NHLRC2: variants seen among roughly 807,000 people sequenced by gnomAD.
NHLRC2 encodes the protein NHL repeat-containing protein 2.
In NHLRC2, 33 loss-of-function variants were observed where a neutral mutation model predicts 68.1. The ratio of observed to expected loss-of-function variants is 0.48; its 90% CI spans 0.37 to 0.65. The LOEUF is 0.65. NHLRC2 is among the 30% of genes least tolerant of loss of function. The probability of loss-of-function intolerance (pLI) is 0.00; values close to 1 mark genes in which losing one functional copy is unlikely to be tolerated. For missense variants in NHLRC2, 761 were observed against 853.8 expected, an observed-to-expected ratio of 0.89 and a Z score of 1.35; for synonymous variants, 311 against 309.6, an observed-to-expected ratio of 1.00 and a Z score of -0.05.
Position 113,854,961 on chromosome 10 carries a change from C to T in NHLRC2, c.89C>T (p.Thr30Ile), listed in dbSNP as rs1845730322. ...SLEYALLDAVTQQEKDSLVYQ... is the reference protein window; with the variant it reads ...SLEYALLDAVIQQEKDSLVYQ... The stretch of plus-strand genomic sequence containing the variant: ...GAGTACGCCCTGCTCGACGCCGTTA[C>T]CCAGCAGGAGAAGGACAGCCTGGTC... The change falls in exon 1 of 11, where the codon ACC (threonine) becomes ATC (isoleucine). Residue 30 changes from threonine to isoleucine, a missense_variant. Thr to Ile is a moderately conservative substitution (Grantham distance 89). Coordinates refer to ENST00000369301, the MANE Select transcript of NHLRC2 (RefSeq NM_198514.4). 2 of 1,554,012 alleles carry T rather than the reference C, an allele frequency of 1.3e-6. No individual in the cohort carries two copies. Among genetic ancestry groups the T allele is most frequent in the Non-Finnish European group, 8.7e-7 (1 of 1,148,290 alleles).
At position 113,876,754 on chromosome 10, in the gene NHLRC2, T is replaced by G. The variant is rs1845985226; in HGVS notation, c.565T>G (p.Leu189Val). Residue 189 changes from leucine (L) to valine (V), a missense_variant, in exon 3 of 11, where the codon TTA (leucine) becomes GTA (valine). Coordinates refer to ENST00000369301, the MANE Select transcript of NHLRC2 (RefSeq NM_198514.4). ...AGAGGGACACAAAGATAAATTATTTTTATATACTTCAATTGCTTTAAAGTA... is the reference window on the plus strand; with the variant it reads ...AGAGGGACACAAAGATAAATTATTTGTATATACTTCAATTGCTTTAAAGTA... ...IGEGHKDKLF[L>V]YTSIALKYYK... 6.2e-7 allele frequency: 1 copy of G among 1,611,628 alleles called. No homozygotes were observed. The highest frequency in any genetic ancestry group is 1.7e-5 in the Admixed American group (1 of 59,930).
rs966728115 is a variant in NHLRC2, at chr10:113,910,839, C to T, written c.*2303C>T. 2.6e-5 allele frequency: 4 copies of T among 152,100 alleles called. No individual in the cohort carries two copies. The highest frequency in any genetic ancestry group is 9.7e-5 in the African/African-American group (4 of 41,434). The allele number at this position is 152,100 out of a possible 1,614,324, so 9.4% of individuals were successfully genotyped here. On this transcript the variant is annotated 3_prime_UTR_variant, in exon 11 of 11. Coordinates refer to ENST00000369301, the MANE Select transcript of NHLRC2 (RefSeq NM_198514.4). ...TCAAAATACAGTTTTATTGAACATT[C>T]TTATTCTTACCCACTGCCAGTCTGC...
chr10:113,863,268 A>G (rs1219534321), intron 2 of NHLRC2, among the ~76,000 whole-genome samples: 3 of 152,190 alleles, frequency 2.0e-5, no homozygotes, highest in African/African-American at 4.8e-5. Context: ...ATATTAAAGT[A>G]TCTTTTCTGA....
intron 2 of NHLRC2, among the ~76,000 whole-genome samples, chr10:113,866,393 A>G (rs960022586): frequency 1.3e-5 from 2 of 152,170 alleles, no homozygotes; most frequent in Admixed American, 1.3e-4. Context: ...TGGTGTATAC[A>G]TTAATGGTAT....
chr10:113,891,502 T>G (rs1208650199), intron 5 of NHLRC2, among the ~76,000 whole-genome samples: 1 of 152,198 alleles, frequency 6.6e-6, no homozygotes, highest in Non-Finnish European at 1.5e-5. Flanking sequence ...GTCAATTTGG[T>G]CAGGAGCTGA....
chr10:113,902,025 A>C, intron 7 of NHLRC2, 128 bp downstream of exon 7: 2 of 653,846 alleles, frequency 3.1e-6, no homozygotes, highest in Non-Finnish European at 5.2e-6. Flanking sequence ...AATGAAAGTC[A>C]GACCAAAGGA....
At chr10:113,865,010 C>T (rs1435565479) in intron 2 of NHLRC2, among the ~76,000 whole-genome samples, 2 of 150,928 alleles carry the variant, frequency 1.3e-5, no homozygotes, top group Non-Finnish European at 3.0e-5. Context: ...AGTGCAATGG[C>T]GCCATCTCAG....
chr10:113,873,854 T>C (rs927450759), intron 2 of NHLRC2, among the ~76,000 whole-genome samples: 3 of 152,228 alleles, frequency 2.0e-5, no homozygotes, highest in South Asian at 2.1e-4. Context: ...ACAACCCTTA[T>C]ATTCTTATTG....
chr10:113,912,042 G>C lies in NHLRC2; in HGVS notation c.*3506G>C, dbSNP rs535614746. On this transcript the variant is annotated 3_prime_UTR_variant, in exon 11 of 11. Transcript: ENST00000369301. ...CTCAGAACATTGTTTGGAGTCCTTT[G>C]ATCTACCGGTTCTCTTAAGTACGTG... The C allele has an allele frequency of 6.6e-6, 1 of 152,090 alleles. No homozygotes were observed. Among genetic ancestry groups the C allele is most frequent in the Non-Finnish European group, 1.5e-5 (1 of 68,004 alleles). The allele number at this position is 152,090 out of a possible 1,614,324, so 9.4% of individuals were successfully genotyped here.
At chr10:113,878,676 T>A (rs1438426222) in intron 3 of NHLRC2, among the ~76,000 whole-genome samples, 1 of 152,142 alleles carries the variant, frequency 6.6e-6, no homozygotes, top group Non-Finnish European at 1.5e-5. Flanking sequence ...TACAGGTGCC[T>A]ACCACCATGC....
intron 2 of NHLRC2, among the ~76,000 whole-genome samples, chr10:113,863,829 T>C (rs1845838190): frequency 6.6e-6 from 1 of 152,192 alleles, no homozygotes; most frequent in Non-Finnish European, 1.5e-5. Flanking sequence ...AAGAGTACTA[T>C]GAGCAATTGT....
rs139209784 is a variant in NHLRC2 at position 113,908,321 on chromosome 10, A to G, written c.1966A>G (p.Ile656Val). 1.2e-5 allele frequency: 20 copies of G among 1,612,846 alleles called. No homozygotes were observed. The East Asian group carries it at 4.2e-4, about 34-fold the overall frequency. The part of the protein sequence containing the change: ...LLQGQIAAGD[I>V]ENISSQPTIS... ...TCAAGGACAGATAGCAGCTGGAGATATAGAGAACATTTCCAGTCAACCAAC... is the reference window on the plus strand; with the variant it reads ...TCAAGGACAGATAGCAGCTGGAGATGTAGAGAACATTTCCAGTCAACCAAC... Residue 656 changes from isoleucine to valine, a missense_variant, in exon 11 of 11, where the codon ATA (isoleucine) becomes GTA (valine). Coordinates refer to ENST00000369301, the MANE Select transcript of NHLRC2 (RefSeq NM_198514.4).
chr10:113,916,970 T>C lies in NHLRC2; in HGVS notation c.*8434T>C, dbSNP rs1488512703. ...TTTTGTACAACATTGTATTTCTACA[T>C]TTATTTCAAGACTGTACTTTTCAGT... On this transcript the variant is annotated 3_prime_UTR_variant, in exon 11 of 11. Coordinates refer to ENST00000369301, the MANE Select transcript of NHLRC2 (RefSeq NM_198514.4). 1 of 152,222 alleles carries C rather than the reference T, an allele frequency of 6.6e-6. No homozygotes were observed. The highest frequency in any genetic ancestry group is 1.9e-4 in the East Asian group (1 of 5,204). The allele number at this position is 152,222 out of a possible 1,614,324, so 9.4% of individuals were successfully genotyped here.
intron 2 of NHLRC2, among the ~76,000 whole-genome samples, chr10:113,875,198 T>C (rs112228977): frequency 2.8e-4 from 42 of 152,222 alleles, no homozygotes; most frequent in African/African-American, 9.9e-4. Flanking sequence ...TTGGTAGCCT[T>C]ATTTTAGTAG....
In NHLRC2 at chr10:113,858,537, G is replaced by A; in HGVS notation, c.188G>A (p.Trp63Ter). The A allele has an allele frequency of 6.3e-7, 1 of 1,599,828 alleles. No homozygotes were observed. Among genetic ancestry groups the A allele is most frequent in the South Asian group, 1.1e-5 (1 of 89,422 alleles). Residue 63 changes from tryptophan (W) to a stop codon, truncating the protein, a stop_gained, in exon 2 of 11, where the codon TGG becomes TAG. Coordinates refer to ENST00000369301, the MANE Select transcript of NHLRC2 (RefSeq NM_198514.4). LOFTEE classifies it high-confidence loss of function. Reference protein sequence around the residue: ...SVPEFPEGLEWLNTEEPISVY... With the variant: ...SVPEFPEGLE Reference sequence around the variant, plus strand: ...TTTATGTAAATTTCAGGATTAGAATGGCTGAACACAGAAGAACCTATTTCT... The same window carrying A: ...TTTATGTAAATTTCAGGATTAGAATAGCTGAACACAGAAGAACCTATTTCT...
In NHLRC2 at chr10:113,877,454, C is replaced by G. The variant is rs548112268; in HGVS notation, c.787+478C>G. ...AATTTGTGCATAGTTTTACTTTTCTCTCCTTTCTTCCATAAGAACTTGAAC... is the reference window on the plus strand; with the variant it reads ...AATTTGTGCATAGTTTTACTTTTCTGTCCTTTCTTCCATAAGAACTTGAAC... On this transcript the variant is annotated intron_variant, in intron 3 of 10. Transcript: ENST00000369301. Among the ~76,000 whole-genome samples the G allele has an allele frequency of 1.3e-3, 205 of 152,170 alleles. 3 individuals are homozygous for G. Among genetic ancestry groups the G allele is most frequent in the Admixed American group, 1.4e-3 (22 of 15,276 alleles).
rs1417794553 is a variant in NHLRC2, at chr10:113,910,452, C to T, written c.*1916C>T. 6.6e-6 allele frequency: 1 copy of T among 152,252 alleles called. No homozygotes were observed. The highest frequency in any genetic ancestry group is 1.9e-4 in the East Asian group (1 of 5,208). The allele number at this position is 152,252 out of a possible 1,614,324, so 9.4% of individuals were successfully genotyped here. ...TCCTGGCCTCAGGTGATCCGCCTGC[C>T]TCTGTCTCCCAAAGTGCTGGGATTA... On this transcript the variant is annotated 3_prime_UTR_variant, in exon 11 of 11. Coordinates refer to ENST00000369301, the MANE Select transcript of NHLRC2 (RefSeq NM_198514.4).
rs1317306625 is a variant in NHLRC2, at chr10:113,876,567, A to G, written c.378A>G (p.Glu126=). 1 of 1,609,398 alleles carries G rather than the reference A, an allele frequency of 6.2e-7. No individual in the cohort carries two copies. The highest frequency in any genetic ancestry group is 8.5e-7 in the Non-Finnish European group (1 of 1,177,742). The part of the protein sequence containing the change: ...IGVHSAKFPN[E]KVLDNIKSAV... Reference sequence around the variant, plus strand: ...TTCACTCGGCTAAGTTTCCAAATGAAAAAGTCCTGGATAACATTAAGAGTG... The same window carrying G: ...TTCACTCGGCTAAGTTTCCAAATGAGAAAGTCCTGGATAACATTAAGAGTG... The change falls in exon 3 of 11, where the codon GAA becomes GAG. Residue 126 remains glutamate (E), a synonymous_variant. Coordinates refer to ENST00000369301, the MANE Select transcript of NHLRC2 (RefSeq NM_198514.4).
chr10:113,888,893 C>A (rs929711155), intron 5 of NHLRC2, among the ~76,000 whole-genome samples: 8 of 144,608 alleles, frequency 5.5e-5, no homozygotes, highest in Non-Finnish European at 1.2e-4. Context: ...GTGACGTGAT[C>A]TCGGCTCACT....
Sources: allele counts gnomAD v4.1 joint callset (sites outside exome capture counted in the v4.1 genomes callset), GRCh38; gene constraint gnomAD v4.1.1; transcripts MANE v1.5; gene names NCBI Gene and HGNC (gene_info 2026-07-23, HGNC 2026-07-21).